UNC5D: variants seen among roughly 807,000 people sequenced by gnomAD.
UNC5D encodes the protein unc-5 netrin receptor D, also known as netrin receptor UNC5D.
A neutral mutation model predicts 105.4 loss-of-function variants in UNC5D; 39 were observed. That is an observed-to-expected ratio of 0.37 (90% CI 0.29 to 0.48). The LOEUF (loss-of-function observed/expected upper bound fraction) is 0.48, where lower values mean the gene tolerates loss of function less well. UNC5D is among the 20% of genes least tolerant of loss of function. The pLI is 0.98. For synonymous variants in UNC5D, 452 were observed against 450.4 expected (o/e 1.00, Z -0.04); for missense variants, 991 against 1,202.4 (o/e 0.82, Z 2.60).
At chr8:35,327,655 C>G (rs1810275614) in intron 1 of UNC5D, among the ~76,000 whole-genome samples, 1 of 152,164 alleles carries the variant, frequency 6.6e-6, no homozygotes, top group Non-Finnish European at 1.5e-5. Context: ...GAAAGTTGAT[C>G]CCTAAACTGC....
intron 8 of UNC5D, among the ~76,000 whole-genome samples, chr8:35,718,962 A>G (rs1276747049): frequency 6.6e-6 from 1 of 152,138 alleles, no homozygotes; most frequent in South Asian, 2.1e-4. Context: ...TGAGCGCAGG[A>G]ATGGTCATGG....
intron 2 of UNC5D, among the ~76,000 whole-genome samples, chr8:35,556,642 C>T (rs1215785957): frequency 6.6e-6 from 1 of 152,156 alleles, no homozygotes; most frequent in African/African-American, 2.4e-5. Flanking sequence ...ATGTGCTCTG[C>T]TACAAGGGTT....
intron 4 of UNC5D, among the ~76,000 whole-genome samples, chr8:35,679,332 AAGGGTTGTT>A (rs1484406695): frequency 6.6e-6 from 1 of 152,142 alleles, no homozygotes; most frequent in Non-Finnish European, 1.5e-5. Context: ...CTATTTTTGA[AAGGGTTGTT>A]AGGTAAGGCC....
intron 4 of UNC5D, among the ~76,000 whole-genome samples, chr8:35,641,366 C>CAAAAAAAAAAAAAAAAAAAG (rs1198851612): frequency 1.6e-3 from 71 of 44,304 alleles, no homozygotes; most frequent in Non-Finnish European, 1.7e-3. Context: ...AAAAATAAAG[C>CAAAAAAAAAAAAAAAAAAAG]AAAAAAAAAA....
intron 1 of UNC5D, among the ~76,000 whole-genome samples, chr8:35,374,636 A>G (rs1235936854): frequency 3.3e-5 from 5 of 152,186 alleles, no homozygotes. Flanking sequence ...TACTGTCTCA[A>G]AAGGACACAC....
At chr8:35,513,772 A>G (rs529941259) in intron 1 of UNC5D, among the ~76,000 whole-genome samples, 1 of 152,332 alleles carries the variant, frequency 6.6e-6, no homozygotes, top group Middle Eastern at 3.4e-3. Context: ...AGAAAGCACC[A>G]AAGATATTGT....
At chr8:35,240,612 G>A (rs552910689) in intron 1 of UNC5D, among the ~76,000 whole-genome samples, 30 of 152,228 alleles carry the variant, frequency 2.0e-4, no homozygotes, top group African/African-American at 6.5e-4. Flanking sequence ...CTTGCCCAAG[G>A]CCATGGAGTT....
intron 16 of UNC5D, among the ~76,000 whole-genome samples, chr8:35,789,612 T>C (rs1802936161): frequency 6.6e-6 from 1 of 152,002 alleles, no homozygotes; most frequent in Admixed American, 6.6e-5. Context: ...CATCTGTAAC[T>C]GGAACAATCC....
intron 1 of UNC5D, among the ~76,000 whole-genome samples, chr8:35,314,110 T>G (rs2128880352): frequency 6.6e-6 from 1 of 152,318 alleles, no homozygotes; most frequent in East Asian, 1.9e-4. Flanking sequence ...AGATGGCTTT[T>G]GAGCACTCAG....
At chr8:35,684,837 A>C (rs1825898778) in intron 6 of UNC5D, 88 bp downstream of exon 6, 1 of 1,446,662 alleles carries the variant, frequency 6.9e-7, no homozygotes, top group Non-Finnish European at 9.2e-7. Context: ...TTCTTTTCCA[A>C]AGTTACCCTC....
At chr8:35,742,755 C>A (rs1829823380) in intron 11 of UNC5D, among the ~76,000 whole-genome samples, 1 of 152,142 alleles carries the variant, frequency 6.6e-6, no homozygotes, top group East Asian at 1.9e-4. Context: ...GATACACCTC[C>A]CATCCTGCCA....
At chr8:35,436,075 A>G (rs940312616) in intron 1 of UNC5D, among the ~76,000 whole-genome samples, 1 of 152,052 alleles carries the variant, frequency 6.6e-6, no homozygotes, top group African/African-American at 2.4e-5. Flanking sequence ...TATCAGAAAA[A>G]TAGATTATTC....
At chr8:35,399,585 T>G (rs1425040227) in intron 1 of UNC5D, among the ~76,000 whole-genome samples, 1 of 152,204 alleles carries the variant, frequency 6.6e-6, no homozygotes, top group Admixed American at 6.5e-5. Context: ...CAAATTTGCA[T>G]GCATACATAT....
At chr8:35,522,099 CA>C (rs1306213694) in intron 1 of UNC5D, among the ~76,000 whole-genome samples, 2 of 152,186 alleles carry the variant, frequency 1.3e-5, no homozygotes, top group Non-Finnish European at 2.9e-5. Context: ...ACATGACACA[CA>C]ACACCCACTG....
intron 4 of UNC5D, among the ~76,000 whole-genome samples, chr8:35,673,024 G>A (rs1442081969): frequency 2.0e-5 from 3 of 152,164 alleles, no homozygotes; most frequent in Non-Finnish European, 4.4e-5. Context: ...TTCTGTCTGT[G>A]ATCATGAGGT....
At chr8:35,442,857 ATCTCTC>A (rs138221035) in intron 1 of UNC5D, among the ~76,000 whole-genome samples, 8 of 106,902 alleles carry the variant, frequency 7.5e-5, no homozygotes, top group African/African-American at 2.0e-4. Context: ...TTCTTACACC[ATCTCTC>A]TCTCTCTCTC....
intron 1 of UNC5D, among the ~76,000 whole-genome samples, chr8:35,448,484 GT>G (rs900231776): frequency 3.6e-4 from 55 of 151,804 alleles, no homozygotes; most frequent in African/African-American, 1.3e-3. Flanking sequence ...TATTCTTTAG[GT>G]AAGTGCTATT....
chr8:35,648,323 A>C (rs1239387247), intron 4 of UNC5D, among the ~76,000 whole-genome samples: 1 of 152,154 alleles, frequency 6.6e-6, no homozygotes, highest in African/African-American at 2.4e-5. Context: ...ATCATTAAAA[A>C]GTGGGACAGA....
intron 1 of UNC5D, among the ~76,000 whole-genome samples, chr8:35,313,406 A>G (rs1041039222): frequency 6.6e-6 from 1 of 152,162 alleles, no homozygotes; most frequent in Non-Finnish European, 1.5e-5. Context: ...TTTCTCTTCC[A>G]TGAAATGGAA....
Sources: gnomAD v4.1 joint callset for allele counts (sites outside exome capture counted in the v4.1 genomes callset) on GRCh38, gnomAD v4.1.1 for gene constraint, MANE v1.5 for transcripts, NCBI Gene and HGNC (gene_info 2026-07-23, HGNC 2026-07-21) for gene names.